TMEM50B: variants seen among roughly 807,000 people sequenced by gnomAD.
The protein encoded by TMEM50B is HCV p7-trans-regulated protein 3.
TMEM50B carries 14 observed loss-of-function variants against 23.4 expected under a neutral mutation model. The ratio of observed to expected loss-of-function variants is 0.60; its 90% CI spans 0.39 to 0.93. The LOEUF (loss-of-function observed/expected upper bound fraction) is 0.93. TMEM50B is among the 40% of genes least tolerant of loss of function. The pLI is 0.00. For missense variants in TMEM50B, 159 were observed against 193.0 expected (o/e 0.82, Z 1.04); for synonymous variants, 64 against 62.3 (o/e 1.03, Z -0.13).
At chr21:33,471,126 A>G (rs940554860) in intron 1 of TMEM50B, among the ~76,000 whole-genome samples, 4 of 152,176 alleles carry the variant, frequency 2.6e-5, no homozygotes, top group African/African-American at 9.7e-5. Flanking sequence ...AGAGAGCCCC[A>G]AACACTTTAA....
intron 8 of TMEM50B, among the ~76,000 whole-genome samples, chr21:33,433,986 G>A (rs1030803753): frequency 6.6e-6 from 1 of 152,108 alleles, no homozygotes; most frequent in East Asian, 1.9e-4. Flanking sequence ...AGGGTGCTTA[G>A]GAGGGCCCTA....
chr21:33,461,449 T>C (rs2123435897), intron 4 of TMEM50B, among the ~76,000 whole-genome samples: 1 of 152,294 alleles, frequency 6.6e-6, no homozygotes, highest in Non-Finnish European at 1.5e-5. Context: ...TTTGGAGAAA[T>C]ACAATCTCTA....
At chr21:33,436,740 A>AT in intron 8 of TMEM50B, 2 of 1,109,578 alleles carry the variant, frequency 1.8e-6, no homozygotes, top group Non-Finnish European at 1.3e-6. Context: ...TAAAAATAAA[A>AT]ATAAAATAAA....
intron 2 of TMEM50B, among the ~76,000 whole-genome samples, chr21:33,467,532 G>A (rs1239157418): frequency 1.3e-5 from 2 of 149,064 alleles, no homozygotes; most frequent in Non-Finnish European, 2.9e-5. Flanking sequence ...GCTGAAGCAG[G>A]AGAATCGCTT....
intron 7 of TMEM50B, among the ~76,000 whole-genome samples, chr21:33,443,151 G>A (rs955032528): frequency 1.3e-5 from 2 of 152,156 alleles, no homozygotes; most frequent in African/African-American, 4.8e-5. Context: ...TTAAAGAGCT[G>A]GTAAGTCCAG....
At chr21:33,445,083 C>CAAA (rs1219767078), downstream of TMEM50B, among the ~76,000 whole-genome samples, 1 of 64,964 alleles carries the variant, frequency 1.5e-5, no homozygotes, top group Non-Finnish European at 3.4e-5. Flanking sequence ...GACCCAGTCT[C>CAAA]AAAAAAAAAA....
chr21:33,478,803 A>G, intron 1 of TMEM50B: 1 of 471,188 alleles, frequency 2.1e-6, no homozygotes. Flanking sequence ...TGCAGGTTTA[A>G]AAGACAAGAA....
downstream of TMEM50B, among the ~76,000 whole-genome samples, chr21:33,445,711 T>C (rs2084047380): frequency 6.6e-6 from 1 of 151,760 alleles, no homozygotes; most frequent in African/African-American, 2.4e-5. Context: ...GGCACGAGAA[T>C]GGCTTGAACC....
intron 1 of TMEM50B, among the ~76,000 whole-genome samples, chr21:33,474,921 T>C (rs2084354097): frequency 6.7e-6 from 1 of 149,448 alleles, no homozygotes; most frequent in South Asian, 2.1e-4. Context: ...GCAAACATTT[T>C]GTTCCCCCAC....
At chr21:33,473,382 G>A (rs889725963) in intron 1 of TMEM50B, among the ~76,000 whole-genome samples, 1 of 150,812 alleles carries the variant, frequency 6.6e-6, no homozygotes, top group Non-Finnish European at 1.5e-5. Context: ...GAACCCAGGA[G>A]CTGGAGGTTG....
In TMEM50B at chr21:33,450,702, A is replaced by G; in HGVS notation, c.*116T>C. The G allele has an allele frequency of 1.3e-6, 1 of 763,734 alleles. No individual in the cohort carries two copies. The highest frequency in any genetic ancestry group is 2.1e-6 in the Non-Finnish European group (1 of 475,548). The allele number at this position is 763,734 out of a possible 1,614,324, so 47.3% of individuals were successfully genotyped here. A position where few individuals can be genotyped will look rare whatever the true frequency, so the allele number is the denominator to read the frequency against. On this transcript the variant is annotated 3_prime_UTR_variant, in exon 7 of 7. Coordinates refer to ENST00000542230, the MANE Select transcript of TMEM50B (RefSeq NM_006134.7). ...TTCAAAACTCAGAACATAAAAATGT[A>G]AAGAAACAAAACATTTAATGTACAA...
At chr21:33,448,711 G>A (rs141258787), downstream of TMEM50B, 20 of 152,194 alleles carry the variant, frequency 1.3e-4, no homozygotes, top group East Asian at 3.7e-3. Flanking sequence ...TCGATCTCCT[G>A]ACCTCGTGAT....
intron 8 of TMEM50B, chr21:33,437,186 A>G (rs1388533470): frequency 1.9e-6 from 1 of 531,200 alleles, no homozygotes; most frequent in Admixed American, 3.2e-5. Flanking sequence ...TTACGGAGAT[A>G]TCCCAGGAAA....
chr21:33,449,602 T>C lies in TMEM50B; in HGVS notation c.*1216A>G, dbSNP rs767063178. On this transcript the variant is annotated 3_prime_UTR_variant, in exon 7 of 7. Coordinates refer to ENST00000542230, the MANE Select transcript of TMEM50B (RefSeq NM_006134.7). ...AAGTTGAAGATATATTTCACAGGAA[T>C]ATTCACCCAAAGCTTGAGAGCTAGA... 6.6e-6 allele frequency: 1 copy of C among 152,200 alleles called. No individual in the cohort carries two copies. The highest frequency in any genetic ancestry group is 2.4e-5 in the African/African-American group (1 of 41,446). 9.4% of individuals were successfully genotyped at this position (152,200 alleles called of 1,614,324 possible).
chr21:33,472,105 CG>C (rs1258221349), intron 1 of TMEM50B, among the ~76,000 whole-genome samples: 33 of 149,642 alleles, frequency 2.2e-4, no homozygotes, highest in African/African-American at 7.9e-4. Flanking sequence ...TTAAATGGGC[CG>C]GGCAGGATGG....
At chr21:33,478,488 T>C (rs1013956561) in intron 1 of TMEM50B, among the ~76,000 whole-genome samples, 9 of 151,692 alleles carry the variant, frequency 5.9e-5, no homozygotes, top group East Asian at 1.9e-4. Flanking sequence ...AAAAGGAAAA[T>C]GAGGATAAAA....
chr21:33,437,125 G>T, intron 8 of TMEM50B: 6 of 575,524 alleles, frequency 1.0e-5, no homozygotes, highest in South Asian at 2.2e-5. Context: ...GGGGTGACAA[G>T]CTTTTTTTTT....
intron 7 of TMEM50B, among the ~76,000 whole-genome samples, chr21:33,439,676 A>T (rs926857003): frequency 6.6e-6 from 1 of 151,018 alleles, no homozygotes. Context: ...CACTGTGCCC[A>T]GCCTTAAATA....
chr21:33,472,124 A>C (rs2084323307), intron 1 of TMEM50B, among the ~76,000 whole-genome samples: 1 of 145,902 alleles, frequency 6.9e-6, no homozygotes, highest in African/African-American at 2.5e-5. Context: ...TGGCTCACAC[A>C]TGTAATCCCA....
Sources: gnomAD v4.1 joint callset for allele counts (sites outside exome capture counted in the v4.1 genomes callset) on GRCh38, gnomAD v4.1.1 for gene constraint, MANE v1.5 for transcripts, NCBI Gene and HGNC (gene_info 2026-07-23, HGNC 2026-07-21) for gene names.